The following PDK1 variants were observed in gnomAD, a reference collection of about 807,000 sequenced individuals.
PDK1 encodes [Pyruvate dehydrogenase (acetyl-transferring)] kinase isozyme 1, mitochondrial.
Under a neutral mutation model 54.2 loss-of-function variants are expected in PDK1, and 39 were observed. That is an observed-to-expected ratio of 0.72 (90% confidence interval 0.56 to 0.94). The LOEUF (loss-of-function observed/expected upper bound fraction) is 0.94, where lower values mean the gene tolerates loss of function less well. Ranked by LOEUF, PDK1 falls within the 40% of genes least tolerant of loss-of-function variation. The pLI, the probability that PDK1 is intolerant of heterozygous loss-of-function variation, is 0.00. For synonymous variants in PDK1, 221 were observed against 207.1 expected (o/e 1.07, Z -0.58); for missense variants, 552 against 566.0 (o/e 0.98, Z 0.25).
At chr2:172,653,603 CAA>C in the PDK1 span, among the ~76,000 whole-genome samples, 19,493 of 137,314 alleles carry the variant, frequency 0.14, 2,158 homozygotes, top group East Asian at 0.54. Context: ...GACTCCATCT[CAA>C]AAAAAAAAAA....
chr2:172,646,735 C>CTTTTTTTTTT, the PDK1 span, among the ~76,000 whole-genome samples: 122 of 72,032 alleles, frequency 1.7e-3, 13 homozygotes, highest in African/African-American at 5.3e-3. Flanking sequence ...CTTGCATTTC[C>CTTTTTTTTTT]TTTTTTTTTT....
the PDK1 span, among the ~76,000 whole-genome samples, chr2:172,706,031 A>G: frequency 3.3e-5 from 5 of 152,228 alleles, no homozygotes; most frequent in African/African-American, 1.2e-4. Flanking sequence ...GGTAAGATCT[A>G]TAGTATGTCA....
chr2:172,663,512 A>C, the PDK1 span, among the ~76,000 whole-genome samples: 1 of 151,658 alleles, frequency 6.6e-6, no homozygotes, highest in Admixed American at 6.6e-5. Context: ...TCTGTGACCT[A>C]GGGGCTAGAG....
rs1691065129 is a variant in PDK1 at position 172,600,176 on chromosome 2, T to C, written c.*4207T>C. 1 of 152,204 alleles carries C rather than the reference T, an allele frequency of 6.6e-6. No individual in the cohort carries two copies. The highest frequency in any genetic ancestry group is 1.5e-5 in the Non-Finnish European group (1 of 68,042). The allele number at this position is 152,204 out of a possible 1,614,324, so 9.4% of individuals were successfully genotyped here. A position where few individuals can be genotyped will look rare whatever the true frequency, so the allele number is the denominator to read the frequency against. On this transcript the variant is annotated 3_prime_UTR_variant, in exon 11 of 11. Transcript: ENST00000282077. ...TCAAATATAAAAAGCCACAGTATTCTTGCCATGGTTTTGTACTTAGATGTC... is the reference window on the plus strand; with the variant it reads ...TCAAATATAAAAAGCCACAGTATTCCTGCCATGGTTTTGTACTTAGATGTC...
chr2:172,589,584 C>G (rs140313384), intron 9 of PDK1, among the ~76,000 whole-genome samples: 1 of 152,182 alleles, frequency 6.6e-6, no homozygotes, highest in Non-Finnish European at 1.5e-5. Context: ...CAGTGACAAT[C>G]CAGGTTAGCC....
At chr2:172,667,205 C>T in the PDK1 span, among the ~76,000 whole-genome samples, 1,302 of 152,194 alleles carry the variant, frequency 8.6e-3, 16 homozygotes, top group African/African-American at 0.029. Context: ...AGCAGGACCT[C>T]TAGGGAAGTA....
the PDK1 span, among the ~76,000 whole-genome samples, chr2:172,644,675 G>T: frequency 6.6e-6 from 1 of 152,206 alleles, no homozygotes; most frequent in African/African-American, 2.4e-5. Flanking sequence ...AATACAACTT[G>T]AACTTGAGAA....
chr2:172,568,538 A>G (rs920180995), intron 6 of PDK1, among the ~76,000 whole-genome samples: 6 of 152,186 alleles, frequency 3.9e-5, no homozygotes, highest in South Asian at 2.1e-4. Context: ...AAGTGACCAC[A>G]GGACTCTTGT....
the PDK1 span, among the ~76,000 whole-genome samples, chr2:172,677,955 G>T: frequency 6.6e-6 from 1 of 152,178 alleles, no homozygotes; most frequent in Non-Finnish European, 1.5e-5. Flanking sequence ...GATCACCTTA[G>T]GTCAGGAGTT....
At chr2:172,638,767 T>G in the PDK1 span, among the ~76,000 whole-genome samples, 24 of 152,278 alleles carry the variant, frequency 1.6e-4, no homozygotes, top group African/African-American at 5.5e-4. Context: ...AGAACTTTTG[T>G]GTCTAGCTAA....
the PDK1 span, among the ~76,000 whole-genome samples, chr2:172,713,470 C>T: frequency 6.6e-6 from 1 of 152,178 alleles, no homozygotes; most frequent in African/African-American, 2.4e-5. Context: ...GCCGAGCTGC[C>T]CACAGTGCCC....
intron 5 of PDK1, 66 bp from the exon 6 acceptor site, chr2:172,566,790 A>G (rs983004716): frequency 2.0e-6 from 2 of 992,170 alleles, no homozygotes; most frequent in Non-Finnish European, 3.1e-6. Flanking sequence ...TACCATTGCC[A>G]TCTTAATGCG....
At chr2:172,622,311 CAT>C in the PDK1 span, among the ~76,000 whole-genome samples, 811 of 127,894 alleles carry the variant, frequency 6.3e-3, 44 homozygotes, top group African/African-American at 0.021. Flanking sequence ...GTTTATATCT[CAT>C]ATATTATGTG....
the PDK1 span, among the ~76,000 whole-genome samples, chr2:172,713,137 G>A: frequency 1.3e-5 from 2 of 152,188 alleles, no homozygotes; most frequent in Non-Finnish European, 2.9e-5. Context: ...GTTGTACAGA[G>A]TGTACAGCTC....
Position 172,606,490 on chromosome 2 carries a change from A to G in PDK1, c.*10521A>G, listed in dbSNP as rs1044927830. The G allele has an allele frequency of 1.3e-5, 2 of 152,230 alleles. No homozygotes were observed. The highest frequency in any genetic ancestry group is 2.9e-5 in the Non-Finnish European group (2 of 68,036). The allele number at this position is 152,230 out of a possible 1,614,324, so 9.4% of individuals were successfully genotyped here. A position where few individuals can be genotyped will look rare whatever the true frequency, so the allele number is the denominator to read the frequency against. ...TAGGAGGCAGACAGTAACTTCGGTA[A>G]TTAGAAACATCTGCACTCAGCAACA... On this transcript the variant is annotated 3_prime_UTR_variant, in exon 11 of 11. Coordinates refer to ENST00000282077, the MANE Select transcript of PDK1 (RefSeq NM_002610.5).
intron 9 of PDK1, among the ~76,000 whole-genome samples, chr2:172,591,475 A>G (rs1690583649): frequency 6.6e-6 from 1 of 152,286 alleles, no homozygotes; most frequent in East Asian, 1.9e-4. Flanking sequence ...CAAAGAGTCT[A>G]TTTGGGATTG....
At position 172,556,213 on chromosome 2, in the gene PDK1, C is replaced by G. The variant is rs900775796; in HGVS notation, c.63C>G (p.Ala21=). ...ALAGPGPGLR[A]AGFSRSFSSD... ...CCGGCCCGGGCCCGGGGCTGCGCGC[C>G]GCCGGCTTCAGCCGCAGCTTCAGCT... The change falls in exon 1 of 11, where the codon GCC becomes GCG. Residue 21 remains alanine, a synonymous_variant. Coordinates refer to ENST00000282077, the MANE Select transcript of PDK1 (RefSeq NM_002610.5). 1 of 1,421,068 alleles carries G rather than the reference C, an allele frequency of 7.0e-7. No homozygotes were observed. Among genetic ancestry groups the G allele is most frequent in the South Asian group, 1.5e-5 (1 of 68,624 alleles). 88.0% of individuals were successfully genotyped at this position (1,421,068 alleles called of 1,614,324 possible).
the PDK1 span, among the ~76,000 whole-genome samples, chr2:172,686,109 T>C: frequency 6.6e-6 from 1 of 152,106 alleles, no homozygotes; most frequent in East Asian, 1.9e-4. Flanking sequence ...AGAAACAGAG[T>C]CTAAGTAGGC....
At chr2:172,577,556 TATATC>T (rs1462306699) in intron 8 of PDK1, among the ~76,000 whole-genome samples, 4 of 152,152 alleles carry the variant, frequency 2.6e-5, no homozygotes, top group African/African-American at 7.2e-5. Flanking sequence ...TATTTTGTAT[TATATC>T]ATTTTAATTT....
Sources: gnomAD v4.1 joint callset for allele counts (sites outside exome capture counted in the v4.1 genomes callset) on GRCh38, gnomAD v4.1.1 for gene constraint, MANE v1.5 for transcripts, NCBI Gene and HGNC (gene_info 2026-07-23, HGNC 2026-07-21) for gene names.